COL5A1: variants seen among roughly 807,000 people sequenced by gnomAD.
COL5A1 encodes the protein collagen alpha-1(V) chain.
A neutral mutation model predicts 263.7 loss-of-function variants in COL5A1; 16 were observed. The ratio of observed to expected loss-of-function variants is 0.06; its 90% CI spans 0.04 to 0.09. The LOEUF (loss-of-function observed/expected upper bound fraction) is 0.09. Among genes scored for constraint, COL5A1 ranks in the 10% least tolerant of loss-of-function variants. The probability of loss-of-function intolerance (pLI) is 1.00; values close to 1 mark genes in which losing one functional copy is unlikely to be tolerated. For missense variants in COL5A1, 2,036 were observed against 2,540.5 expected (o/e 0.80, Z 4.27); for synonymous variants, 1,012 against 1,004.5 (o/e 1.01, Z -0.14).
intron 4 of COL5A1, 91 bp from the exon 5 acceptor site, chr9:134,727,175 T>C (rs923538398): frequency 1.3e-5 from 18 of 1,389,684 alleles, no homozygotes; most frequent in Non-Finnish European, 1.7e-5. Context: ...GTCTGGACTT[T>C]CCCCTGCTTC....
chr9:134,832,509 G>C (rs1175879518), intron 64 of COL5A1, among the ~76,000 whole-genome samples: 2 of 152,220 alleles, frequency 1.3e-5, no homozygotes, highest in Non-Finnish European at 2.9e-5. Flanking sequence ...CTCCCACCAG[G>C]AGAGCAGGGC....
rs1410501160 is a variant in COL5A1 at position 134,680,241 on chromosome 9, CAT to C, written c.110-10669_110-10668del. 2.6e-5 allele frequency among the ~76,000 whole-genome samples: 4 copies of C among 152,212 alleles called. No homozygotes were observed. The highest frequency in any genetic ancestry group is 2.9e-5 in the Non-Finnish European group (2 of 68,038). ...GGGCAGCCATCCAGGCGAAGGTTAACATAGAGCCTCCAGGCCCGGCTACAGGC... is the reference window on the plus strand; with the variant it reads ...GGGCAGCCATCCAGGCGAAGGTTAACAGAGCCTCCAGGCCCGGCTACAGGC... On this transcript the variant is annotated intron_variant, in intron 1 of 65. Coordinates refer to ENST00000371817, the MANE Select transcript of COL5A1 (RefSeq NM_000093.5). The surrounding 1 kb of genome is among the most constrained non-coding windows in gnomAD (Gnocchi z 5.9).
At chr9:134,805,582 C>T (rs901499979) in intron 41 of COL5A1, among the ~76,000 whole-genome samples, 2 of 152,184 alleles carry the variant, frequency 1.3e-5, no homozygotes, top group Non-Finnish European at 2.9e-5. Context: ...TGCAGGGACT[C>T]TGAAGATGCA....
Position 134,818,997 on chromosome 9 carries a change from C to T in COL5A1, c.4393-3C>T. 6.2e-7 allele frequency: 1 copy of T among 1,613,462 alleles called. No homozygotes were observed. Among genetic ancestry groups the T allele is most frequent in the Non-Finnish European group, 8.5e-7 (1 of 1,180,016 alleles). ...ACTCTGATCCCCCTGCCTCCTCCCA[C>T]AGGGTCCCCCAGGACTTCCCGGCCT... On this transcript the variant is annotated splice_polypyrimidine_tract_variant and splice_region_variant and intron_variant, in intron 56 of 65. Coordinates refer to ENST00000371817, the MANE Select transcript of COL5A1 (RefSeq NM_000093.5). The surrounding 1 kb of genome is among the most constrained non-coding windows in gnomAD (Gnocchi z 6.0).
intron 42 of COL5A1, among the ~76,000 whole-genome samples, chr9:134,807,362 C>T (rs1045953595): frequency 3.9e-5 from 6 of 152,288 alleles, no homozygotes; most frequent in South Asian, 2.1e-4. Context: ...GGCGCAATCT[C>T]GGCTCACTGT....
At chr9:134,797,693 G>T (rs375942923) in intron 36 of COL5A1, among the ~76,000 whole-genome samples, 26 of 152,260 alleles carry the variant, frequency 1.7e-4, no homozygotes, top group African/African-American at 6.0e-4. Context: ...GTGTTGGCCA[G>T]GATGGTCTCG....
Position 134,696,888 on chromosome 9 carries a change from G to A in COL5A1, c.278-3021G>A. On this transcript the variant is annotated intron_variant, in intron 2 of 65. Transcript: ENST00000371817. This position sits in a 1 kb window ranked among gnomAD's most constrained non-coding sequence, Gnocchi z 4.3. ...GATCGAGACCATCCTGGCTAACACGGTGAAACCCCATCCCTACTAAAAATA... is the reference window on the plus strand; with the variant it reads ...GATCGAGACCATCCTGGCTAACACGATGAAACCCCATCCCTACTAAAAATA... 6.6e-6 allele frequency among the ~76,000 whole-genome samples: 1 copy of A among 152,080 alleles called. No homozygotes were observed. Among genetic ancestry groups the A allele is most frequent in the Non-Finnish European group, 1.5e-5 (1 of 68,024 alleles).
chr9:134,835,628 T>C (rs972247748), intron 65 of COL5A1, among the ~76,000 whole-genome samples: 1 of 152,190 alleles, frequency 6.6e-6, no homozygotes, highest in African/African-American at 2.4e-5. Flanking sequence ...CTGGAAACAC[T>C]GCAGACAGTT....
At chr9:134,725,918 T>A (rs1435273618) in intron 4 of COL5A1, among the ~76,000 whole-genome samples, 1 of 152,254 alleles carries the variant, frequency 6.6e-6, no homozygotes, top group Non-Finnish European at 1.5e-5. Context: ...TGAACACTTG[T>A]ATACATTTAT....
rs561079151 is a variant in COL5A1, at chr9:134,765,967, G to A, written c.2088+233G>A. Among the ~76,000 whole-genome samples, 4 of 152,356 alleles carry A rather than the reference G, an allele frequency of 2.6e-5. No homozygotes were observed. Among genetic ancestry groups the A allele is most frequent in the South Asian group, 2.1e-4 (1 of 4,832 alleles). On this transcript the variant is annotated intron_variant, in intron 21 of 65. Transcript: ENST00000371817. This position sits in a 1 kb window ranked among gnomAD's most constrained non-coding sequence, Gnocchi z 5.1. ...CCGAGGCTGCCGGCCTCACGCCTCC[G>A]CTTCACCCTGGCTGCACTTCCTCCT... is the stretch of plus-strand genomic sequence containing the variant.
chr9:134,748,127 CCA>C (rs1835632801), intron 11 of COL5A1, among the ~76,000 whole-genome samples: 3 of 98,264 alleles, frequency 3.1e-5, no homozygotes, highest in Non-Finnish European at 6.9e-5. Context: ...AGACATGCAT[CCA>C]CACATGCATA....
intron 6 of COL5A1, 72 bp from the exon 7 acceptor site, chr9:134,730,164 C>A (rs887200917): frequency 6.3e-7 from 1 of 1,594,166 alleles, no homozygotes; most frequent in Non-Finnish European, 8.5e-7. Flanking sequence ...CCCGGACATG[C>A]GGCAAGTCCC....
At chr9:134,648,252 A>G (rs1298775684) in intron 1 of COL5A1, among the ~76,000 whole-genome samples, 1 of 150,778 alleles carries the variant, frequency 6.6e-6, no homozygotes, top group East Asian at 1.9e-4. Flanking sequence ...TTGTGGTGGG[A>G]CCTTGTGATT....
intron 64 of COL5A1, chr9:134,832,988 C>T (rs1312552523): frequency 6.6e-6 from 1 of 152,312 alleles, no homozygotes; most frequent in East Asian, 1.9e-4. Flanking sequence ...CAATGGGGCT[C>T]TTTCGGAGCA....
In COL5A1 at chr9:134,798,135, C is replaced by T. The variant is rs62571397; in HGVS notation, c.2899-273C>T. Among the ~76,000 whole-genome samples, 21,383 of 152,198 alleles carry T rather than the reference C, an allele frequency of 0.14. 2,080 individuals carry two copies. Among genetic ancestry groups the T allele is most frequent in the African/African-American group, 0.27 (11,273 of 41,500 alleles). ...GCTGGACCTCAGGATACCAACTGGCCTCTTATGCCTCGGTTTCTCCCTTGG... is the reference window on the plus strand; with the variant it reads ...GCTGGACCTCAGGATACCAACTGGCTTCTTATGCCTCGGTTTCTCCCTTGG... On this transcript the variant is annotated intron_variant, in intron 36 of 65. Coordinates refer to ENST00000371817, the MANE Select transcript of COL5A1 (RefSeq NM_000093.5).
At chr9:134,779,207 G>A (rs1837166054) in intron 27 of COL5A1, among the ~76,000 whole-genome samples, 1 of 152,258 alleles carries the variant, frequency 6.6e-6, no homozygotes, top group Non-Finnish European at 1.5e-5. Context: ...GCCTGAGGTA[G>A]CCCGAGGTAG....
At chr9:134,748,303 A>T (rs1227576391) in intron 11 of COL5A1, among the ~76,000 whole-genome samples, 1 of 151,818 alleles carries the variant, frequency 6.6e-6, no homozygotes, top group South Asian at 2.1e-4. Context: ...GCACACACAC[A>T]TGCATTGATA....
At chr9:134,760,347 ACACACC>A (rs1564439979) in intron 18 of COL5A1, among the ~76,000 whole-genome samples, 2 of 61,546 alleles carry the variant, frequency 3.2e-5, no homozygotes, top group East Asian at 6.6e-4. Flanking sequence ...ACACACCCCC[ACACACC>A]CCCACACATA....
intron 42 of COL5A1, among the ~76,000 whole-genome samples, chr9:134,808,273 G>A (rs1016892801): frequency 5.9e-5 from 9 of 152,056 alleles, no homozygotes; most frequent in Non-Finnish European, 1.0e-4. Flanking sequence ...TGTATCTGTC[G>A]GAAGATAGGG....
Sources: gnomAD v4.1 joint callset for allele counts (sites outside exome capture counted in the v4.1 genomes callset) on GRCh38, gnomAD v4.1.1 for gene constraint, Gnocchi (gnomAD v3.1) non-coding constraint, MANE v1.5 for transcripts, NCBI Gene and HGNC (gene_info 2026-07-23, HGNC 2026-07-21) for gene names.